The following EPM2A variants were observed in gnomAD, a reference collection of about 807,000 sequenced individuals.
The protein encoded by EPM2A is laforin.
A neutral mutation model predicts 26.5 loss-of-function variants in EPM2A; 21 were observed. The observed-to-expected ratio is 0.79, with a 90% CI of 0.56 to 1.14. The LOEUF (loss-of-function observed/expected upper bound fraction) is 1.14. Among genes scored for constraint, EPM2A ranks in the 50% most tolerant of loss-of-function variants. The pLI is 0.00. For synonymous variants in EPM2A, 217 were observed against 177.6 expected (o/e 1.22, Z -1.76); for missense variants, 458 against 440.8 (o/e 1.04, Z -0.35).
intron 2 of EPM2A, among the ~76,000 whole-genome samples, chr6:145,651,316 A>AAAT (rs1562443963): frequency 6.6e-6 from 1 of 152,250 alleles, no homozygotes; most frequent in Non-Finnish European, 1.5e-5. Context: ...ATGGTGATTA[A>AAAT]GTAGACTACA....
chr6:145,422,225 CTA>C (rs1778798066), intron 4 of EPM2A, among the ~76,000 whole-genome samples: 1 of 144,444 alleles, frequency 6.9e-6, no homozygotes, highest in African/African-American at 2.5e-5. Context: ...TCATACAAAT[CTA>C]TATATTTGTA....
intron 2 of EPM2A, among the ~76,000 whole-genome samples, chr6:145,527,926 C>G (rs1210571816): frequency 6.6e-6 from 1 of 151,986 alleles, no homozygotes; most frequent in Admixed American, 6.6e-5. Flanking sequence ...AAAAATGCTA[C>G]TCCAGGGAAC....
At chr6:145,735,667 G>C, upstream of EPM2A, 1 of 1,076,550 alleles carries the variant, frequency 9.3e-7, no homozygotes, top group Non-Finnish European at 1.1e-6. Flanking sequence ...CGGCTCCCGA[G>C]CCCAGACTTC....
rs1379772859 is a variant in EPM2A at position 145,635,914 on chromosome 6, T to C, written c.477-428A>G. ...GCAGGCATTCCGGTTTAAAAGTCTA[T>C]GCAAATATTTCAAATAGTATGAGAC... is the stretch of plus-strand genomic sequence containing the variant. On this transcript the variant is annotated intron_variant, in intron 2 of 3. Transcript: ENST00000367519. The C allele has an allele frequency of 2.8e-5, 6 of 212,756 alleles. No individual in the cohort carries two copies. In the East Asian group the frequency reaches 6.0e-4, roughly 21 times the overall value. The allele number at this position is 212,756 out of a possible 1,614,324, so 13.2% of individuals were successfully genotyped here.
intron 4 of EPM2A, among the ~76,000 whole-genome samples, chr6:145,418,032 C>T (rs1222147672): frequency 6.6e-6 from 1 of 152,132 alleles, no homozygotes; most frequent in Non-Finnish European, 1.5e-5. Flanking sequence ...CCTTCACCAC[C>T]AATTCCAGTC....
intron 4 of EPM2A, among the ~76,000 whole-genome samples, chr6:145,446,480 T>G (rs1338118241): frequency 1.3e-5 from 2 of 152,214 alleles, no homozygotes; most frequent in African/African-American, 4.8e-5. Context: ...ATATCATACA[T>G]GAAAAGTTGT....
At chr6:145,536,319 G>C (rs762261987) in intron 2 of EPM2A, among the ~76,000 whole-genome samples, 10 of 150,566 alleles carry the variant, frequency 6.6e-5, no homozygotes, top group Non-Finnish European at 1.0e-4. Context: ...TTTTTGAGAT[G>C]GAGTCTCACT....
chr6:145,445,051 C>T (rs995521423), intron 4 of EPM2A, among the ~76,000 whole-genome samples: 37 of 151,994 alleles, frequency 2.4e-4, no homozygotes, highest in African/African-American at 8.7e-4. Flanking sequence ...TACTAAGGTG[C>T]TGTGTGTGTA....
intron 2 of EPM2A, among the ~76,000 whole-genome samples, chr6:145,665,930 T>C (rs1583004906): frequency 6.6e-6 from 1 of 151,148 alleles, no homozygotes; most frequent in African/African-American, 2.4e-5. Flanking sequence ...ATTATCTCAA[T>C]AGATGCAGAA....
chr6:145,424,370 G>A (rs1485779746), intron 4 of EPM2A, among the ~76,000 whole-genome samples: 1 of 152,096 alleles, frequency 6.6e-6, no homozygotes, highest in African/African-American at 2.4e-5. Flanking sequence ...AGCATTAATT[G>A]GAAATTTTAA....
At chr6:145,693,416 G>T (rs1445620040) in intron 1 of EPM2A, among the ~76,000 whole-genome samples, 1 of 151,846 alleles carries the variant, frequency 6.6e-6, no homozygotes, top group Non-Finnish European at 1.5e-5. Flanking sequence ...CATTCTAAGA[G>T]AAATAACTTA....
intron 4 of EPM2A, among the ~76,000 whole-genome samples, chr6:145,469,865 T>A (rs1396588052): frequency 6.6e-6 from 1 of 152,144 alleles, no homozygotes; most frequent in Non-Finnish European, 1.5e-5. Flanking sequence ...TTCTGTTATT[T>A]ACAACATCAT....
chr6:145,425,116 C>CCCTTCCTT (rs71028346), intron 4 of EPM2A, among the ~76,000 whole-genome samples: 6,153 of 131,874 alleles, frequency 0.047, 258 homozygotes, highest in East Asian at 0.085. Flanking sequence ...ATGTAAGTCT[C>CCCTTCCTT]CCTTCCTTCC....
intron 4 of EPM2A, among the ~76,000 whole-genome samples, chr6:145,441,616 C>T (rs190373471): frequency 1.4e-4 from 21 of 152,188 alleles, no homozygotes; most frequent in Admixed American, 1.4e-3. Flanking sequence ...GTAATCCTAG[C>T]ACCCTGGGAG....
chr6:145,713,445 A>T (rs1052233809), intron 1 of EPM2A, among the ~76,000 whole-genome samples: 2 of 152,218 alleles, frequency 1.3e-5, no homozygotes, highest in Non-Finnish European at 2.9e-5. Context: ...GAAGATACAT[A>T]TGTGTGTATC....
intron 1 of EPM2A, among the ~76,000 whole-genome samples, chr6:145,705,179 T>A (rs1027725765): frequency 3.9e-5 from 6 of 152,174 alleles, no homozygotes; most frequent in African/African-American, 9.6e-5. Flanking sequence ...CTGGGCACAG[T>A]GGCTCACGCC....
chr6:145,427,519 C>T (rs1432018748), intron 4 of EPM2A, among the ~76,000 whole-genome samples: 1 of 152,038 alleles, frequency 6.6e-6, no homozygotes, highest in African/African-American at 2.4e-5. Context: ...TGTCACAGTG[C>T]GTCTCCTAGA....
chr6:145,680,168 A>T (rs1205921134), intron 2 of EPM2A: 1 of 151,950 alleles, frequency 6.6e-6, no homozygotes, highest in Non-Finnish European at 1.5e-5. Flanking sequence ...TGGGTGGGGG[A>T]AAGAAGAGGG....
chr6:145,450,549 T>C (rs1779184205), intron 4 of EPM2A, among the ~76,000 whole-genome samples: 1 of 152,146 alleles, frequency 6.6e-6, no homozygotes, highest in Admixed American at 6.5e-5. Context: ...TTTGGGTGAT[T>C]CTTTCCCTGA....
Sources: allele counts gnomAD v4.1 joint callset (sites outside exome capture counted in the v4.1 genomes callset), GRCh38; gene constraint gnomAD v4.1.1; transcripts MANE v1.5; gene names NCBI Gene and HGNC (gene_info 2026-07-23, HGNC 2026-07-21).